SLC4A4: variants seen among roughly 807,000 people sequenced by gnomAD.
SLC4A4 encodes solute carrier family 4 member 4.
A neutral mutation model predicts 111.5 loss-of-function variants in SLC4A4; 27 were observed. That is an observed-to-expected ratio of 0.24 (90% confidence interval 0.18 to 0.33). The LOEUF is 0.33. SLC4A4 is among the 10% of genes least tolerant of loss of function. The pLI is 1.00. For synonymous variants in SLC4A4, 443 were observed against 463.4 expected, an observed-to-expected ratio of 0.96 and a Z score of 0.57; for missense variants, 909 against 1,315.5, an observed-to-expected ratio of 0.69 and a Z score of 4.78.
intron 7 of SLC4A4, among the ~76,000 whole-genome samples, chr4:71,409,188 G>T (rs762548362): frequency 6.6e-6 from 1 of 152,164 alleles, no homozygotes; most frequent in Non-Finnish European, 1.5e-5. Context: ...TACCAGAAGT[G>T]GGGTGTTGCT....
chr4:71,536,484 A>ATATATATATATATATATG (rs1456558456), intron 18 of SLC4A4, among the ~76,000 whole-genome samples: 5 of 106,294 alleles, frequency 4.7e-5, no homozygotes, highest in African/African-American at 6.5e-5. Flanking sequence ...ATATATATAT[A>ATATATATATATATATATG]TATGTATATA....
At position 71,357,108 on chromosome 4, in the gene SLC4A4, G is replaced by T; in HGVS notation, c.651G>T (p.Lys217Asn). ...TLLRKHRHQT[K>N]KSNLRSLADI... The stretch of plus-strand genomic sequence containing the variant: ...TCCGGAAGCACCGGCATCAAACCAA[G>T]AAATCCAACCTTCGGTCCCTGGCTG... Residue 217 changes from lysine to asparagine, a missense_variant, in exon 6 of 26, where the codon AAG (lysine) becomes AAT (asparagine). By Grantham distance (94) the Lys-to-Asn change is moderately conservative. Transcript: ENST00000264485. The T allele has an allele frequency of 6.2e-7, 1 of 1,614,156 alleles. No homozygotes were observed. Among genetic ancestry groups the T allele is most frequent in the Non-Finnish European group, 8.5e-7 (1 of 1,180,020 alleles).
In SLC4A4 at chr4:71,420,180, G is replaced by A. The variant is rs376614152; in HGVS notation, c.808-20436G>A. Among the ~76,000 whole-genome samples, 344 of 152,316 alleles carry A rather than the reference G, an allele frequency of 2.3e-3. 1 individual carries two copies. The East Asian group carries it at 0.029, about 13-fold the overall frequency. The stretch of plus-strand genomic sequence containing the variant: ...CTGAAAGCCAAGGCTCCAGAACTAC[G>A]TGAAGAATGCAGAAGCCTCAGGAGC... On this transcript the variant is annotated intron_variant, in intron 7 of 25. Transcript: ENST00000264485.
At chr4:71,103,685 G>A (rs370524734) in intron 2 of SLC4A4, among the ~76,000 whole-genome samples, 3 of 152,004 alleles carry the variant, frequency 2.0e-5, no homozygotes, top group Admixed American at 6.6e-5. Flanking sequence ...GATACATAAC[G>A]AAATGAAGGC....
upstream of SLC4A4, among the ~76,000 whole-genome samples, chr4:71,185,621 C>A (rs1023559190): frequency 1.3e-5 from 2 of 152,180 alleles, no homozygotes; most frequent in African/African-American, 4.8e-5. Context: ...TGAGCATTAA[C>A]TAAGGATTTT....
At chr4:71,322,911 C>T (rs1173585406) in intron 3 of SLC4A4, among the ~76,000 whole-genome samples, 3 of 151,870 alleles carry the variant, frequency 2.0e-5, no homozygotes, top group Non-Finnish European at 4.4e-5. Context: ...GTTCTATGCC[C>T]ATGGGATTAT....
At chr4:71,321,246 C>T (rs370559021) in intron 3 of SLC4A4, among the ~76,000 whole-genome samples, 7 of 151,914 alleles carry the variant, frequency 4.6e-5, no homozygotes, top group Admixed American at 1.3e-4. Context: ...TGAACCTCTG[C>T]GTTAAAAGTT....
chr4:71,338,098 G>A (rs1031892335), intron 3 of SLC4A4, among the ~76,000 whole-genome samples: 1 of 151,864 alleles, frequency 6.6e-6, no homozygotes, highest in Non-Finnish European at 1.5e-5. Context: ...CTCCCAAAGT[G>A]TTGGGATCGC....
intron 1 of SLC4A4, among the ~76,000 whole-genome samples, chr4:71,230,442 G>A (rs1050183133): frequency 7.9e-5 from 12 of 152,236 alleles, no homozygotes; most frequent in Admixed American, 3.9e-4. Context: ...GTGGGCATGT[G>A]TGTAAAGAAC....
At chr4:71,134,378 G>A (rs1490553061) in intron 2 of SLC4A4, among the ~76,000 whole-genome samples, 1 of 152,156 alleles carries the variant, frequency 6.6e-6, no homozygotes, top group East Asian at 1.9e-4. Flanking sequence ...GTCCAGATTA[G>A]CCTATACTGT....
chr4:71,154,428 GAA>G (rs1396781362), intron 2 of SLC4A4, among the ~76,000 whole-genome samples: 1 of 152,118 alleles, frequency 6.6e-6, no homozygotes, highest in Non-Finnish European at 1.5e-5. Context: ...CACAGCATAA[GAA>G]TATTCTAGTC....
At chr4:71,376,360 C>T (rs898155471) in intron 6 of SLC4A4, among the ~76,000 whole-genome samples, 11 of 150,684 alleles carry the variant, frequency 7.3e-5, no homozygotes, top group African/African-American at 2.7e-4. Flanking sequence ...CGCCACCATG[C>T]CTGGCTAATT....
intron 1 of SLC4A4, among the ~76,000 whole-genome samples, chr4:71,077,829 C>G (rs1741883501): frequency 6.6e-6 from 1 of 152,192 alleles, no homozygotes; most frequent in Admixed American, 6.5e-5. Context: ...CTGCACTCCC[C>G]TAGTTCCTTC....
At chr4:71,113,427 A>G (rs1170411506) in intron 2 of SLC4A4, among the ~76,000 whole-genome samples, 1 of 152,158 alleles carries the variant, frequency 6.6e-6, no homozygotes, top group Non-Finnish European at 1.5e-5. Flanking sequence ...GTGCTTGGCA[A>G]TTTAATTGGA....
intron 1 of SLC4A4, among the ~76,000 whole-genome samples, chr4:71,211,922 A>AT (rs140740407): frequency 0.019 from 2,848 of 152,044 alleles, 82 homozygotes; most frequent in African/African-American, 0.06. Flanking sequence ...AAAACCAGGG[A>AT]TTTTTTTTAG....
rs756111109 is a variant in SLC4A4, at chr4:71,238,435, AAC to A, written c.73+1790_73+1791del. ...CCAGGATTCTTTAAGAAGAAACAGA[AAC>A]ACAACCAAAGGTGGTAGAAACATCT... On this transcript the variant is annotated intron_variant, in intron 2 of 25. Transcript: ENST00000264485. Among the ~76,000 whole-genome samples the A allele has an allele frequency of 7.4e-4, 113 of 152,382 alleles. 1 individual carries two copies. Among genetic ancestry groups the A allele is most frequent in the Non-Finnish European group, 1.1e-3 (78 of 68,032 alleles).
chr4:71,243,282 T>G (rs1424317788), intron 2 of SLC4A4, among the ~76,000 whole-genome samples: 1 of 152,206 alleles, frequency 6.6e-6, no homozygotes, highest in Non-Finnish European at 1.5e-5. Context: ...AGAATACTTC[T>G]GCTTCCTACT....
intron 2 of SLC4A4, among the ~76,000 whole-genome samples, chr4:71,163,683 A>G (rs1744665195): frequency 6.6e-6 from 1 of 152,242 alleles, no homozygotes; most frequent in Non-Finnish European, 1.5e-5. Context: ...TTTAGTCTAA[A>G]CCAGGGGTTG....
Position 71,216,544 on chromosome 4 carries a change from C to T in SLC4A4, c.-1-20032C>T, listed in dbSNP as rs559838363. ...CCTCTGATATATCAAGAGGCACATG[C>T]TTGATGATTTCTTTCCTTGATTCCC... On this transcript the variant is annotated intron_variant, in intron 1 of 25. Coordinates refer to ENST00000264485, the MANE Select transcript of SLC4A4 (RefSeq NM_001098484.3). Among the ~76,000 whole-genome samples the T allele has an allele frequency of 3.9e-5, 6 of 152,282 alleles. No individual in the cohort carries two copies. The East Asian group carries it at 9.6e-4, about 24-fold the overall frequency.
Sources: allele counts gnomAD v4.1 joint callset (sites outside exome capture counted in the v4.1 genomes callset), GRCh38; gene constraint gnomAD v4.1.1; transcripts MANE v1.5; gene names NCBI Gene and HGNC (gene_info 2026-07-23, HGNC 2026-07-21).